Variants in LMX1B observed in about 807,000 individuals in gnomAD.
The protein encoded by LMX1B is LIM homeobox transcription factor 1 beta, also known as LIM homeobox transcription factor 1-beta.
A neutral mutation model predicts 51.4 loss-of-function variants in LMX1B; 12 were observed. The ratio of observed to expected loss-of-function variants is 0.23; its 90% CI spans 0.15 to 0.38. LMX1B has a LOEUF of 0.38. LMX1B is among the 10% of genes least tolerant of loss of function. LMX1B has a pLI of 1.00. For synonymous variants in LMX1B, 237 were observed against 235.4 expected (o/e 1.01, Z -0.06); for missense variants, 445 against 571.1 (o/e 0.78, Z 2.25).
At chr9:126,624,556 C>T (rs1463365918) in intron 2 of LMX1B, among the ~76,000 whole-genome samples, 1 of 152,226 alleles carries the variant, frequency 6.6e-6, no homozygotes, top group Non-Finnish European at 1.5e-5. Flanking sequence ...CTGGAGGCAA[C>T]CAGGCGGCCC....
At chr9:126,632,343 G>T (rs949892458) in intron 2 of LMX1B, among the ~76,000 whole-genome samples, 28 of 152,130 alleles carry the variant, frequency 1.8e-4, no homozygotes, top group Non-Finnish European at 3.1e-4. Context: ...TTTGGGGAGG[G>T]CATTCCAGGA....
intron 7 of LMX1B, 141 bp from the exon 8 acceptor site, chr9:126,696,152 GC>G: frequency 8.7e-7 from 1 of 1,148,904 alleles, no homozygotes; most frequent in South Asian, 1.3e-5. Context: ...GACAGGAAGG[GC>G]CCCAGTCCTT....
rs559820931 is a variant in LMX1B at position 126,673,007 on chromosome 9, G to A, written c.327-17829G>A. On this transcript the variant is annotated intron_variant, in intron 2 of 7. Transcript: ENST00000373474. This position sits in a 1 kb window ranked among gnomAD's most constrained non-coding sequence, Gnocchi z 4.4. ...GACTCCTCGCCCACACAAAGCAAGA[G>A]GCTCTTTTCGGCTTTTGCCCAACCA... Among the ~76,000 whole-genome samples the A allele has an allele frequency of 6.6e-6, 1 of 152,386 alleles. No individual in the cohort carries two copies. Among genetic ancestry groups the A allele is most frequent in the African/African-American group, 2.4e-5 (1 of 41,596 alleles).
At chr9:126,654,245 C>T (rs551815810) in intron 2 of LMX1B, among the ~76,000 whole-genome samples, 4 of 152,324 alleles carry the variant, frequency 2.6e-5, no homozygotes, top group East Asian at 3.9e-4. Flanking sequence ...CGTCCTATCC[C>T]GGGAACCTTC....
chr9:126,625,569 C>T lies in LMX1B; in HGVS notation c.326+10000C>T, dbSNP rs974104499. Among the ~76,000 whole-genome samples, 1 of 152,206 alleles carries T rather than the reference C, an allele frequency of 6.6e-6. No individual in the cohort carries two copies. Among genetic ancestry groups the T allele is most frequent in the African/African-American group, 2.4e-5 (1 of 41,456 alleles). On this transcript the variant is annotated intron_variant, in intron 2 of 7. Coordinates refer to ENST00000373474, the MANE Select transcript of LMX1B (RefSeq NM_001174147.2). The surrounding 1 kb of genome is among the most constrained non-coding windows in gnomAD (Gnocchi z 5.3). ...TCCCTGGGACTAATGTCGCAGCGCT[C>T]GCACTCCTGCAGGTCTCCAGGGTTG...
At chr9:126,636,889 G>C (rs1381994412) in intron 2 of LMX1B, among the ~76,000 whole-genome samples, 3 of 152,208 alleles carry the variant, frequency 2.0e-5, no homozygotes, top group Non-Finnish European at 4.4e-5. Context: ...GTATGTGCGA[G>C]TGTGTCTCTA....
chr9:126,655,524 C>G (rs939699200), intron 2 of LMX1B, among the ~76,000 whole-genome samples: 1 of 152,148 alleles, frequency 6.6e-6, no homozygotes, highest in Admixed American at 6.5e-5. Flanking sequence ...GAGAGGCCCT[C>G]CACGTGGTAA....
intron 2 of LMX1B, among the ~76,000 whole-genome samples, chr9:126,675,941 CG>C (rs1413582439): frequency 3.3e-4 from 48 of 146,992 alleles, no homozygotes; most frequent in Non-Finnish European, 6.1e-4. Flanking sequence ...CCCAGCTACT[CG>C]GGAGGCTGAG....
At chr9:126,650,068 C>G (rs898214692) in intron 2 of LMX1B, among the ~76,000 whole-genome samples, 6 of 152,186 alleles carry the variant, frequency 3.9e-5, no homozygotes, top group Non-Finnish European at 7.3e-5. Context: ...AGCCCCTGTT[C>G]ATCCTCTCCT....
chr9:126,627,270 C>G (rs1211484460), intron 2 of LMX1B, among the ~76,000 whole-genome samples: 2 of 152,118 alleles, frequency 1.3e-5, no homozygotes, highest in Non-Finnish European at 2.9e-5. Flanking sequence ...GCCCCTCCCC[C>G]AGGGACCCTT....
At chr9:126,629,524 A>G (rs1043860277) in intron 2 of LMX1B, among the ~76,000 whole-genome samples, 1 of 152,140 alleles carries the variant, frequency 6.6e-6, no homozygotes, top group African/African-American at 2.4e-5. Flanking sequence ...GTCACGAGAA[A>G]ACTTTCAGCA....
intron 2 of LMX1B, among the ~76,000 whole-genome samples, chr9:126,659,179 C>T (rs1245278461): frequency 6.6e-6 from 1 of 152,212 alleles, no homozygotes; most frequent in Non-Finnish European, 1.5e-5. Context: ...GGCCCCCTTC[C>T]CCCATAGAGA....
chr9:126,669,896 G>T (rs1330938880), intron 2 of LMX1B, among the ~76,000 whole-genome samples: 4 of 152,180 alleles, frequency 2.6e-5, no homozygotes, highest in Admixed American at 2.0e-4. Flanking sequence ...CATGAGGCAG[G>T]ACAGGAACCA....
At chr9:126,627,608 T>A (rs183649406) in intron 2 of LMX1B, among the ~76,000 whole-genome samples, 54 of 152,166 alleles carry the variant, frequency 3.5e-4, no homozygotes, top group African/African-American at 1.3e-3. Flanking sequence ...AGCAGGGCTG[T>A]CAACCTCAGC....
Position 126,638,746 on chromosome 9 carries a change from G to T in LMX1B, c.326+23177G>T, listed in dbSNP as rs537744096. ...TTCGGAGCGCGCTCCGATCTCTCCC[G>T]GGGGAGCCGGTGAAAAATTAACACG... On this transcript the variant is annotated intron_variant, in intron 2 of 7. Transcript: ENST00000373474. Among the ~76,000 whole-genome samples, 6 of 152,290 alleles carry T rather than the reference G, an allele frequency of 3.9e-5. No homozygotes were observed. In the East Asian group the frequency reaches 5.8e-4, roughly 15 times the overall value.
In LMX1B at chr9:126,698,914, C is replaced by A. The variant is rs373410299; in HGVS notation, c.*2463C>A. 4 of 152,548 alleles carry A rather than the reference C, an allele frequency of 2.6e-5. No individual in the cohort carries two copies. The East Asian group carries it at 7.7e-4, about 29-fold the overall frequency. The allele number at this position is 152,548 out of a possible 1,614,324, so 9.4% of individuals were successfully genotyped here. ...GCTAGCCCTTCTGCAGCTCTTCTTA[C>A]AAACAGAGCCTCTCCAAGGACCTCA... On this transcript the variant is annotated 3_prime_UTR_variant, in exon 8 of 8. Transcript: ENST00000373474.
At chr9:126,642,258 T>C (rs529425479) in intron 2 of LMX1B, among the ~76,000 whole-genome samples, 4 of 152,252 alleles carry the variant, frequency 2.6e-5, no homozygotes, top group African/African-American at 9.6e-5. Context: ...TGAGTGCATA[T>C]GTGTGTGTGA....
intron 2 of LMX1B, among the ~76,000 whole-genome samples, chr9:126,620,357 T>TC (rs1369427866): frequency 6.6e-6 from 1 of 152,192 alleles, no homozygotes; most frequent in East Asian, 1.9e-4. Flanking sequence ...TGGTTGCCCA[T>TC]CTCTGAGCTG....
In LMX1B at chr9:126,658,282, C is replaced by T. The variant is rs188931818; in HGVS notation, c.327-32554C>T. Among the ~76,000 whole-genome samples, 1 of 152,154 alleles carries T rather than the reference C, an allele frequency of 6.6e-6. No homozygotes were observed. Among genetic ancestry groups the T allele is most frequent in the African/African-American group, 2.4e-5 (1 of 41,506 alleles). On this transcript the variant is annotated intron_variant, in intron 2 of 7. Transcript: ENST00000373474. This position sits in a 1 kb window ranked among gnomAD's most constrained non-coding sequence, Gnocchi z 4.0. ...GGGGTTTGGAGAAAGGGAGTCAAGC[C>T]TCTAAAATGAGGGAGGGACTTACTA...
Sources: gnomAD v4.1 joint callset for allele counts (sites outside exome capture counted in the v4.1 genomes callset) on GRCh38, gnomAD v4.1.1 for gene constraint, Gnocchi (gnomAD v3.1) non-coding constraint, MANE v1.5 for transcripts, NCBI Gene and HGNC (gene_info 2026-07-23, HGNC 2026-07-21) for gene names.